Variants in SBF2 observed in about 807,000 individuals in gnomAD.
SBF2 encodes the protein myotubularin-related protein 13.
Under a neutral mutation model 225.2 loss-of-function variants are expected in SBF2, and 112 were observed. The observed-to-expected ratio is 0.50, with a 90% confidence interval of 0.43 to 0.58. The LOEUF (loss-of-function observed/expected upper bound fraction) is 0.58, where lower values mean the gene tolerates loss of function less well. Ranked by LOEUF, SBF2 falls within the 20% of genes least tolerant of loss-of-function variation. SBF2 has a pLI of 0.00. For synonymous variants in SBF2, 763 were observed against 773.3 expected, an observed-to-expected ratio of 0.99 and a Z score of 0.22; for missense variants, 1,996 against 2,206.2, an observed-to-expected ratio of 0.90 and a Z score of 1.91.
chr11:10,179,455 C>T (rs1956637456), intron 2 of SBF2, among the ~76,000 whole-genome samples: 1 of 151,872 alleles, frequency 6.6e-6, no homozygotes, highest in Non-Finnish European at 1.5e-5. Context: ...TATGGCCTAT[C>T]CTTGAGAATG....
chr11:10,304,542 C>T (rs1964630925), exon 1 of SBF2: 1 of 152,242 alleles, frequency 6.6e-6, no homozygotes, highest in African/African-American at 2.4e-5. Flanking sequence ...ACTAGTGAGT[C>T]CTGCTCCTCT....
chr11:9,805,815 G>A (rs956016247), intron 32 of SBF2, among the ~76,000 whole-genome samples: 1 of 152,032 alleles, frequency 6.6e-6, no homozygotes, highest in Non-Finnish European at 1.5e-5. Flanking sequence ...GTAGAGATGG[G>A]GTTTCACCAT....
chr11:9,916,614 T>TTTTTTTTTG, intron 16 of SBF2, among the ~76,000 whole-genome samples: 1 of 151,250 alleles, frequency 6.6e-6, no homozygotes, highest in Non-Finnish European at 1.5e-5. Context: ...TTTCTTTTTT[T>TTTTTTTTTG]TGAGACAGGG....
intron 37 of SBF2, 136 bp downstream of exon 37, chr11:9,784,980 TAAAACATTA>T: frequency 1.3e-6 from 1 of 795,040 alleles, no homozygotes; most frequent in Non-Finnish European, 2.1e-6. Flanking sequence ...AAGAAACATC[TAAAACATTA>T]CAAAAATTAA....
chr11:9,964,803 T>C lies in SBF2; in HGVS notation c.1601-921A>G, dbSNP rs955536493. 3.3e-5 allele frequency among the ~76,000 whole-genome samples: 5 copies of C among 152,180 alleles called. No individual in the cohort carries two copies. The South Asian group carries it at 6.2e-4, about 19-fold the overall frequency. ...TAGAAGGATATAAATGAAAGTAGTA[T>C]TTATATAAAATTTATACTTTCACAA... On this transcript the variant is annotated intron_variant, in intron 14 of 39. Transcript: ENST00000256190.
At chr11:10,163,158 T>C (rs182444884) in intron 2 of SBF2, among the ~76,000 whole-genome samples, 1 of 152,234 alleles carries the variant, frequency 6.6e-6, no homozygotes, top group East Asian at 1.9e-4. Flanking sequence ...CTAAACACAG[T>C]GTCCAGATGA....
rs142236809 is a variant in SBF2 at position 10,214,175 on chromosome 11, C to T, written c.56-20188G>A. Among the ~76,000 whole-genome samples, 452 of 152,240 alleles carry T rather than the reference C, an allele frequency of 3.0e-3. 3 individuals are homozygous for T. Among genetic ancestry groups the T allele is most frequent in the African/African-American group, 9.4e-3 (390 of 41,530 alleles). ...GTGGGGAGGGGACAATCCTGTGCAGCAGCATTCTTGGTCTCTACTCACTAG... is the reference window on the plus strand; with the variant it reads ...GTGGGGAGGGGACAATCCTGTGCAGTAGCATTCTTGGTCTCTACTCACTAG... On this transcript the variant is annotated intron_variant, in intron 1 of 39. Coordinates refer to ENST00000256190, the MANE Select transcript of SBF2 (RefSeq NM_030962.4).
At chr11:9,988,642 A>G (rs894459845) in intron 13 of SBF2, among the ~76,000 whole-genome samples, 4 of 152,186 alleles carry the variant, frequency 2.6e-5, no homozygotes, top group Admixed American at 2.6e-4. Context: ...GCCAATAAAC[A>G]TATGAAAAAA....
intron 1 of SBF2, among the ~76,000 whole-genome samples, chr11:10,253,920 A>C (rs1173557989): frequency 6.6e-6 from 1 of 152,228 alleles, no homozygotes; most frequent in African/African-American, 2.4e-5. Flanking sequence ...GGGAAATGCA[A>C]ATTAAAACCA....
chr11:10,074,182 G>C lies in SBF2; in HGVS notation c.142-31201C>G, dbSNP rs376500563. ...TGACCCAGAGTTAACGATTGCTGTA[G>C]TTGTATGATGAGTACATGGGAGTTC... On this transcript the variant is annotated intron_variant, in intron 2 of 39. Transcript: ENST00000256190. Among the ~76,000 whole-genome samples the C allele has an allele frequency of 3.6e-4, 55 of 152,266 alleles. 1 individual carries two copies. The South Asian group carries it at 0.011, about 31-fold the overall frequency.
intron 16 of SBF2, among the ~76,000 whole-genome samples, chr11:9,909,274 G>C (rs7358470): frequency 0.015 from 2,226 of 151,014 alleles, 62 homozygotes; most frequent in African/African-American, 0.05. Flanking sequence ...GAAGGTTTTT[G>C]TTTTCTATTC....
chr11:10,178,183 A>T (rs1217778935), intron 2 of SBF2, among the ~76,000 whole-genome samples: 1 of 147,616 alleles, frequency 6.8e-6, no homozygotes, highest in East Asian at 2.1e-4. Context: ...ACCTTATACA[A>T]AAATCAATTC....
intron 3 of SBF2, among the ~76,000 whole-genome samples, chr11:10,040,865 T>C (rs181667615): frequency 3.9e-5 from 6 of 152,082 alleles, no homozygotes; most frequent in African/African-American, 1.4e-4. Flanking sequence ...TGAATATGGG[T>C]AAAGGCTATA....
intron 6 of SBF2, among the ~76,000 whole-genome samples, chr11:10,026,081 C>T (rs1297852619): frequency 1.3e-5 from 2 of 149,790 alleles, no homozygotes. Context: ...GGTAAAAATG[C>T]TTCTGGCACC....
intron 1 of SBF2, among the ~76,000 whole-genome samples, chr11:10,271,164 C>T (rs1201588714): frequency 6.6e-6 from 1 of 150,804 alleles, no homozygotes; most frequent in Non-Finnish European, 1.5e-5. Flanking sequence ...AAGGGAGTAG[C>T]AATTGCAAAA....
At chr11:10,157,488 C>T (rs554004538) in intron 2 of SBF2, among the ~76,000 whole-genome samples, 14 of 152,140 alleles carry the variant, frequency 9.2e-5, no homozygotes, top group African/African-American at 2.2e-4. Context: ...GAAAACCTAC[C>T]GAATGGGAGG....
intron 2 of SBF2, among the ~76,000 whole-genome samples, chr11:10,185,892 C>T (rs765060788): frequency 1.1e-4 from 16 of 152,220 alleles, no homozygotes; most frequent in Non-Finnish European, 1.3e-4. Flanking sequence ...AGTAACCATA[C>T]AAATCAGTTG....
At chr11:9,977,942 A>T (rs1191417402) in intron 13 of SBF2, among the ~76,000 whole-genome samples, 1 of 152,210 alleles carries the variant, frequency 6.6e-6, no homozygotes. Flanking sequence ...GGGAAATGAA[A>T]AGAGGGCCTA....
chr11:10,120,869 C>T (rs1473813390), intron 2 of SBF2, among the ~76,000 whole-genome samples: 6 of 152,192 alleles, frequency 3.9e-5, no homozygotes, highest in Non-Finnish European at 5.9e-5. Flanking sequence ...CCACCTGCCT[C>T]GGCCTCCCAA....
Sources: gnomAD v4.1 joint callset for allele counts (sites outside exome capture counted in the v4.1 genomes callset) on GRCh38, gnomAD v4.1.1 for gene constraint, MANE v1.5 for transcripts, NCBI Gene and HGNC (gene_info 2026-07-23, HGNC 2026-07-21) for gene names.